The following MYO1A variants were observed in gnomAD, a reference collection of about 807,000 sequenced individuals.
MYO1A encodes the protein unconventional myosin-Ia.
In MYO1A, 127 loss-of-function variants were observed where a neutral mutation model predicts 138.5. The observed-to-expected ratio is 0.92, with a 90% CI of 0.79 to 1.06. MYO1A has a LOEUF of 1.06. Among genes scored for constraint, MYO1A ranks in the 50% least tolerant of loss-of-function variants. The pLI is 0.00. For synonymous variants in MYO1A, 477 were observed against 497.5 expected (o/e 0.96, Z 0.55); for missense variants, 1,211 against 1,288.8 (o/e 0.94, Z 0.92).
chr12:57,034,376 A>G (rs1385848972), intron 22 of MYO1A, among the ~76,000 whole-genome samples: 1 of 152,244 alleles, frequency 6.6e-6, no homozygotes, highest in Non-Finnish European at 1.5e-5. Flanking sequence ...TAGATGTTCA[A>G]AAGATAATGG....
At chr12:57,039,834 C>A (rs113529156) in intron 14 of MYO1A, among the ~76,000 whole-genome samples, 57 of 152,314 alleles carry the variant, frequency 3.7e-4, no homozygotes, top group Non-Finnish European at 6.0e-4. Flanking sequence ...GGGATGTGGG[C>A]CTGGAATCTG....
Position 57,038,994 on chromosome 12 carries a change from G to A in MYO1A, c.1348C>T (p.Leu450=). 2 of 1,613,964 alleles carry A rather than the reference G, an allele frequency of 1.2e-6. No individual in the cohort carries two copies. The highest frequency in any genetic ancestry group is 1.7e-6 in the Non-Finnish European group (2 of 1,179,942). ...KLIEHNQRGI[L]AMLDEECLRP... ...AGGCACTCCTCATCCAACATGGCCA[G>A]GATACCTCGCTGATTCTGGGCCGGG... Residue 450 remains leucine, a synonymous_variant, in exon 16 of 28, where the codon CTG becomes TTG. Transcript: ENST00000300119.
At position 57,041,365 on chromosome 12, in the gene MYO1A, A is replaced by T. The variant is rs1052984156; in HGVS notation, c.1164+67T>A. The T allele has an allele frequency of 1.9e-6, 3 of 1,591,700 alleles. No homozygotes were observed. In the African/African-American group the frequency reaches 4.0e-5, roughly 21 times the overall value. On this transcript the variant is annotated intron_variant, in intron 13 of 27. Transcript: ENST00000300119. ...CTCAGTCCTACCTCCCCTCCCTCACATCCCCCCTGTGAGCCTGTCCACCTC... is the reference window on the plus strand; with the variant it reads ...CTCAGTCCTACCTCCCCTCCCTCACTTCCCCCCTGTGAGCCTGTCCACCTC...
intron 8 of MYO1A, among the ~76,000 whole-genome samples, chr12:57,045,311 G>A (rs1393832261): frequency 2.0e-5 from 3 of 152,016 alleles, no homozygotes; most frequent in Admixed American, 2.0e-4. Flanking sequence ...TATCTGGTAT[G>A]CAAATGATCT....
chr12:57,032,251 G>A (rs1185442076), intron 22 of MYO1A, among the ~76,000 whole-genome samples: 1 of 152,170 alleles, frequency 6.6e-6, no homozygotes, highest in East Asian at 1.9e-4. Flanking sequence ...TATAAGGCAG[G>A]ATCCCAGGTC....
intron 23 of MYO1A, 108 bp downstream of exon 23, chr12:57,030,932 C>T: frequency 7.2e-7 from 1 of 1,394,156 alleles, no homozygotes; most frequent in South Asian, 1.3e-5. Context: ...TATATTTTAC[C>T]ACAATTTTTT....
At chr12:57,045,246 T>A (rs2031045714) in intron 8 of MYO1A, among the ~76,000 whole-genome samples, 1 of 152,180 alleles carries the variant, frequency 6.6e-6, no homozygotes, top group South Asian at 2.1e-4. Context: ...TGATCAAAGC[T>A]GTTTCCCTAG....
intron 8 of MYO1A, 58 bp downstream of exon 8, chr12:57,046,494 G>A (rs1224220298): frequency 7.5e-7 from 1 of 1,333,534 alleles, no homozygotes; most frequent in Admixed American, 1.7e-5. Flanking sequence ...ACTGAATGGA[G>A]GTTGGGGACT....
At chr12:57,030,962 G>T in intron 23 of MYO1A, 78 bp downstream of exon 23, 1 of 1,558,254 alleles carries the variant, frequency 6.4e-7, no homozygotes. Context: ...AAAAATAGAA[G>T]AGGGAGGCAA....
intron 4 of MYO1A, 26 bp from the exon 5 acceptor site, chr12:57,047,433 G>A: frequency 1.2e-6 from 2 of 1,606,966 alleles, no homozygotes; most frequent in Non-Finnish European, 1.7e-6. Flanking sequence ...GCTCTCATGG[G>A]TCCCCACCCA....
intron 17 of MYO1A, 141 bp downstream of exon 17, chr12:57,038,271 T>C: frequency 8.8e-7 from 1 of 1,133,712 alleles, no homozygotes; most frequent in African/African-American, 1.5e-5. Flanking sequence ...TCTCAGCTCC[T>C]TATCTGACTG....
rs1398869952 is a variant in MYO1A at position 57,028,524 on chromosome 12, T to C, written c.*231A>G. On this transcript the variant is annotated 3_prime_UTR_variant, in exon 28 of 28. Coordinates refer to ENST00000300119, the MANE Select transcript of MYO1A (RefSeq NM_005379.4). ...GGACCCACCCACCCTGACTGAACCT[T>C]TCCAAGCCACATGTTTTATTAGTGT... The C allele has an allele frequency of 2.4e-5, 13 of 543,324 alleles. No homozygotes were observed. The Admixed American group carries it at 3.9e-4, about 16-fold the overall frequency. The allele number at this position is 543,324 out of a possible 1,614,324, so 33.7% of individuals were successfully genotyped here. A position where few individuals can be genotyped will look rare whatever the true frequency, so the allele number is the denominator to read the frequency against.
At chr12:57,036,741 G>A in intron 21 of MYO1A, 31 bp downstream of exon 21, 1 of 1,610,768 alleles carries the variant, frequency 6.2e-7, no homozygotes, top group Non-Finnish European at 8.5e-7. Flanking sequence ...GAGAAACAAT[G>A]TGAGGAAACC....
intron 8 of MYO1A, 65 bp from the exon 9 acceptor site, chr12:57,044,274 C>A: frequency 2.4e-6 from 3 of 1,271,990 alleles, no homozygotes; most frequent in Non-Finnish European, 3.4e-6. Flanking sequence ...CCAGCCTTGA[C>A]ACCTCACAGC....
chr12:57,039,576 G>C, intron 14 of MYO1A: 1 of 427,780 alleles, frequency 2.3e-6, no homozygotes, highest in Non-Finnish European at 4.4e-6. Flanking sequence ...GTGAAGATTA[G>C]GATAGAGATT....
chr12:57,031,685 C>T (rs149714389), intron 22 of MYO1A, among the ~76,000 whole-genome samples: 1 of 152,236 alleles, frequency 6.6e-6, no homozygotes, highest in East Asian at 1.9e-4. Context: ...ATGAAGAGGC[C>T]CAGAGCTTCA....
chr12:57,028,773 C>T lies in MYO1A; in HGVS notation c.3114G>A (p.Leu1038=), dbSNP rs762443700. Residue 1038 remains leucine (L), a synonymous_variant, in exon 28 of 28, where the codon TTG becomes TTA. Coordinates refer to ENST00000300119, the MANE Select transcript of MYO1A (RefSeq NM_005379.4). The part of the protein sequence containing the change: ...LRYKKKGSHC[L]EVTVQ The stretch of plus-strand genomic sequence containing the variant: ...CCCCTCCTCACTGCACAGTCACCTC[C>T]AAGCAATGACTCCCCTTTTTTTTGT... The T allele has an allele frequency of 3.3e-5, 54 of 1,613,982 alleles. No individual in the cohort carries two copies. Among genetic ancestry groups the T allele is most frequent in the Non-Finnish European group, 4.2e-5 (50 of 1,180,006 alleles).
chr12:57,039,071 C>T, intron 15 of MYO1A, 62 bp from the exon 16 acceptor site: 1 of 1,578,578 alleles, frequency 6.3e-7, no homozygotes, highest in Non-Finnish European at 8.7e-7. Context: ...TCCACGTTCT[C>T]ATTGCTGCCC....
chr12:57,047,868 A>C lies in MYO1A; in HGVS notation c.230+121T>G, dbSNP rs1423154883. ...ACAGGCCTTGGAAGGGGCCTCCAGA[A>C]GGCCAGGGAAGGAAGGGGCAGCTGG... is the stretch of plus-strand genomic sequence containing the variant. On this transcript the variant is annotated intron_variant, in intron 3 of 27. Coordinates refer to ENST00000300119, the MANE Select transcript of MYO1A (RefSeq NM_005379.4). 1.9e-5 allele frequency: 29 copies of C among 1,559,576 alleles called. No individual in the cohort carries two copies. The East Asian group carries it at 6.3e-4, about 34-fold the overall frequency.
Sources: allele counts gnomAD v4.1 joint callset (sites outside exome capture counted in the v4.1 genomes callset), GRCh38; gene constraint gnomAD v4.1.1; transcripts MANE v1.5; gene names NCBI Gene and HGNC (gene_info 2026-07-23, HGNC 2026-07-21).